The following IMMP2L variants were observed in gnomAD, a reference collection of about 807,000 sequenced individuals.
The protein encoded by IMMP2L is mitochondrial inner membrane protease subunit 2.
In IMMP2L, 18 loss-of-function variants were observed where a neutral mutation model predicts 19.3. That is an observed-to-expected ratio of 0.93 (90% CI 0.64 to 1.38). The LOEUF is 1.38. IMMP2L is among the 40% of genes most tolerant of loss of function. The pLI is 0.00. For synonymous variants in IMMP2L, 76 were observed against 73.0 expected, an observed-to-expected ratio of 1.04 and a Z score of -0.21; for missense variants, 233 against 218.2, an observed-to-expected ratio of 1.07 and a Z score of -0.43.
intron 3 of IMMP2L, among the ~76,000 whole-genome samples, chr7:111,279,306 C>A (rs1043886853): frequency 6.6e-6 from 1 of 152,166 alleles, no homozygotes; most frequent in Admixed American, 6.5e-5. Context: ...AATGATATGC[C>A]GAAGTGCCAA....
At chr7:111,190,010 A>G (rs1413806911) in intron 3 of IMMP2L, among the ~76,000 whole-genome samples, 2 of 152,166 alleles carry the variant, frequency 1.3e-5, no homozygotes, top group South Asian at 4.1e-4. Context: ...TTTCAGTTGT[A>G]TTATCAGTGG....
chr7:110,663,741 A>G lies in IMMP2L; in HGVS notation c.409-20T>C. On this transcript the variant is annotated intron_variant, in intron 5 of 5. Coordinates refer to ENST00000405709, the MANE Select transcript of IMMP2L (RefSeq NM_032549.4). ...GGAAACCTTAATTCATGAGAAACAG[A>G]AAGAAAGCAATAAAGAGATCATTTT... is the stretch of plus-strand genomic sequence containing the variant. The G allele has an allele frequency of 6.6e-7, 1 of 1,525,388 alleles. No homozygotes were observed. The highest frequency in any genetic ancestry group is 1.2e-5 in the South Asian group (1 of 80,616). The allele number at this position is 1,525,388 out of a possible 1,614,324, so 94.5% of individuals were successfully genotyped here. A position where few individuals can be genotyped will look rare whatever the true frequency, so the allele number is the denominator to read the frequency against.
intron 3 of IMMP2L, among the ~76,000 whole-genome samples, chr7:111,196,743 C>G (rs1003193128): frequency 6.6e-6 from 1 of 151,954 alleles, no homozygotes; most frequent in South Asian, 2.1e-4. Flanking sequence ...TTAATGGTTC[C>G]TTCAAAATTT....
chr7:110,806,268 T>C (rs1412576684), intron 5 of IMMP2L, among the ~76,000 whole-genome samples: 1 of 10,872 alleles, frequency 9.2e-5, no homozygotes, highest in South Asian at 4.2e-3. Context: ...CTTTTCTGCA[T>C]AATTTTGGAC....
intron 3 of IMMP2L, among the ~76,000 whole-genome samples, chr7:111,105,892 C>T (rs986541106): frequency 2.0e-5 from 3 of 151,916 alleles, no homozygotes; most frequent in Non-Finnish European, 4.4e-5. Context: ...GCCAGTTTAA[C>T]TCCACTGATG....
intron 5 of IMMP2L, among the ~76,000 whole-genome samples, chr7:110,861,902 A>C (rs1015246519): frequency 5.9e-5 from 9 of 152,144 alleles, no homozygotes; most frequent in African/African-American, 2.2e-4. Flanking sequence ...CCTAAAGCAG[A>C]TTCAGAAAAT....
chr7:111,380,239 A>C (rs1831068746), intron 3 of IMMP2L, among the ~76,000 whole-genome samples: 1 of 151,996 alleles, frequency 6.6e-6, no homozygotes. Context: ...TTAAACATTT[A>C]TTAAGAAATA....
chr7:111,157,583 T>C (rs1205322119), intron 3 of IMMP2L, among the ~76,000 whole-genome samples: 3 of 151,988 alleles, frequency 2.0e-5, no homozygotes, highest in Non-Finnish European at 4.4e-5. Flanking sequence ...AGGAAGCATA[T>C]TGGAGAAGGA....
Position 110,727,029 on chromosome 7 carries a change from A to G in IMMP2L, c.409-63308T>C, listed in dbSNP as rs2130796456. Among the ~76,000 whole-genome samples the G allele has an allele frequency of 6.6e-6, 1 of 152,362 alleles. No homozygotes were observed. The highest frequency in any genetic ancestry group is 2.1e-4 in the South Asian group (1 of 4,828). ...TTAGCAAGAATGGAAATGCTTCCTT[A>G]GGCATTAAATAATTGCAGACGGCAG... On this transcript the variant is annotated intron_variant, in intron 5 of 5. Coordinates refer to ENST00000405709, the MANE Select transcript of IMMP2L (RefSeq NM_032549.4). The surrounding 1 kb of genome is among the most constrained non-coding windows in gnomAD (Gnocchi z 4.3).
chr7:110,908,048 T>C (rs1812657668), intron 4 of IMMP2L, among the ~76,000 whole-genome samples: 1 of 152,152 alleles, frequency 6.6e-6, no homozygotes, highest in African/African-American at 2.4e-5. Context: ...TTCTCTGCAG[T>C]TGCACTCAAA....
chr7:110,815,192 T>C (rs1484832442), intron 5 of IMMP2L, among the ~76,000 whole-genome samples: 1 of 152,156 alleles, frequency 6.6e-6, no homozygotes, highest in Non-Finnish European at 1.5e-5. Flanking sequence ...TTGAATTTTG[T>C]CAAAGGCCTT....
chr7:110,853,985 C>A (rs1806500034), intron 5 of IMMP2L, among the ~76,000 whole-genome samples: 1 of 151,844 alleles, frequency 6.6e-6, no homozygotes, highest in Non-Finnish European at 1.5e-5. Context: ...TCAATTTAGA[C>A]AGAATCATTT....
intron 5 of IMMP2L, among the ~76,000 whole-genome samples, chr7:110,817,416 G>C (rs1802625470): frequency 6.6e-6 from 1 of 151,984 alleles, no homozygotes; most frequent in Non-Finnish European, 1.5e-5. Flanking sequence ...GGATGTGAAG[G>C]ACCTCTTCAA....
intron 3 of IMMP2L, among the ~76,000 whole-genome samples, chr7:111,310,274 A>ATT (rs113757324): frequency 6.8e-6 from 1 of 146,678 alleles, no homozygotes; most frequent in East Asian, 2.0e-4. Flanking sequence ...CACATGCTTA[A>ATT]TTTTTTTTTT....
intron 3 of IMMP2L, among the ~76,000 whole-genome samples, chr7:111,132,621 C>T (rs2129594434): frequency 6.6e-6 from 1 of 152,060 alleles, no homozygotes; most frequent in South Asian, 2.1e-4. Context: ...TATTGCAAAT[C>T]TTGGGTTCTT....
At chr7:111,545,574 C>T (rs1347840907) in intron 1 of IMMP2L, among the ~76,000 whole-genome samples, 5 of 151,884 alleles carry the variant, frequency 3.3e-5, no homozygotes, top group Non-Finnish European at 2.9e-5. Flanking sequence ...TTAGTAGAGA[C>T]GGGGTTTCAC....
intron 3 of IMMP2L, among the ~76,000 whole-genome samples, chr7:111,024,265 T>C (rs1826590733): frequency 1.3e-5 from 2 of 152,228 alleles, no homozygotes; most frequent in Admixed American, 6.5e-5. Flanking sequence ...TTTTGACTTA[T>C]GTAAACACCT....
At chr7:111,356,487 C>T (rs979558711) in intron 3 of IMMP2L, among the ~76,000 whole-genome samples, 2 of 152,050 alleles carry the variant, frequency 1.3e-5, no homozygotes, top group African/African-American at 4.8e-5. Flanking sequence ...ATTTGAGCAT[C>T]CTCGGATTCT....
chr7:111,107,373 T>C (rs1798667535), intron 3 of IMMP2L, among the ~76,000 whole-genome samples: 1 of 152,076 alleles, frequency 6.6e-6, no homozygotes, highest in South Asian at 2.1e-4. Context: ...GTAAACAGTT[T>C]AGATTCAACT....
Sources: gnomAD v4.1 joint callset for allele counts (sites outside exome capture counted in the v4.1 genomes callset) on GRCh38, gnomAD v4.1.1 for gene constraint, Gnocchi (gnomAD v3.1) non-coding constraint, MANE v1.5 for transcripts, NCBI Gene and HGNC (gene_info 2026-07-23, HGNC 2026-07-21) for gene names.